Variants in TENM4 observed in about 807,000 individuals in gnomAD.
TENM4 encodes the protein teneurin transmembrane protein 4.
In TENM4, 82 loss-of-function variants were observed where a neutral mutation model predicts 243.3. The ratio of observed to expected loss-of-function variants is 0.34; its 90% CI spans 0.28 to 0.40. TENM4 has a LOEUF of 0.40. TENM4 is among the 10% of genes least tolerant of loss of function. The pLI is 1.00. For synonymous variants in TENM4, 1,412 were observed against 1,456.3 expected, an observed-to-expected ratio of 0.97 and a Z score of 0.69; for missense variants, 3,138 against 3,673.3, an observed-to-expected ratio of 0.85 and a Z score of 3.77.
intron 9 of TENM4, among the ~76,000 whole-genome samples, chr11:78,879,391 C>T (rs1163789792): frequency 6.6e-6 from 1 of 151,302 alleles, no homozygotes; most frequent in Non-Finnish European, 1.5e-5. Flanking sequence ...TGGCAGCCGC[C>T]CTGTCTGGGA....
chr11:79,146,228 C>T (rs1862392983), intron 4 of TENM4, among the ~76,000 whole-genome samples: 1 of 152,122 alleles, frequency 6.6e-6, no homozygotes, highest in Non-Finnish European at 1.5e-5. Context: ...CAGAATAGCC[C>T]AGAAAGGGGC....
rs557630451 is a variant in TENM4, at chr11:78,784,609, C to T, written c.2365+2289G>A. Among the ~76,000 whole-genome samples the T allele has an allele frequency of 7.6e-4, 115 of 152,294 alleles. 1 individual carries two copies. The highest frequency in any genetic ancestry group is 2.7e-3 in the African/African-American group (113 of 41,556). The stretch of plus-strand genomic sequence containing the variant: ...CTATTGCTTCTTCAATGTCCTATGA[C>T]ATTTCTTTGGTATTTAGGACCGTCA... On this transcript the variant is annotated intron_variant, in intron 16 of 33. Coordinates refer to ENST00000278550, the MANE Select transcript of TENM4 (RefSeq NM_001098816.3).
intron 16 of TENM4, among the ~76,000 whole-genome samples, chr11:78,781,054 T>C (rs1308642216): frequency 6.6e-6 from 1 of 152,228 alleles, no homozygotes; most frequent in African/African-American, 2.4e-5. Context: ...CTTCCTTGTC[T>C]CTGGCTATTG....
At chr11:78,744,769 G>A (rs1856008966) in intron 19 of TENM4, among the ~76,000 whole-genome samples, 1 of 152,204 alleles carries the variant, frequency 6.6e-6, no homozygotes, top group Non-Finnish European at 1.5e-5. Context: ...CTTGGGAAGG[G>A]TAACATACAT....
chr11:79,435,465 T>C (rs1859251363), intron 1 of TENM4, among the ~76,000 whole-genome samples: 1 of 152,180 alleles, frequency 6.6e-6, no homozygotes, highest in Non-Finnish European at 1.5e-5. Flanking sequence ...TGATAGACCA[T>C]GTAAGAAGGC....
intron 4 of TENM4, among the ~76,000 whole-genome samples, chr11:79,078,353 CTG>C (rs373680600): frequency 1.3e-5 from 2 of 151,372 alleles, no homozygotes; most frequent in Non-Finnish European, 3.0e-5. Context: ...TGGGTAGCAT[CTG>C]TGTGTGTGTG....
chr11:79,222,430 G>A (rs1191363343), intron 2 of TENM4, among the ~76,000 whole-genome samples: 2 of 152,020 alleles, frequency 1.3e-5, no homozygotes, highest in Non-Finnish European at 2.9e-5. Flanking sequence ...GGTTGGTTCC[G>A]TGTCTTTGCT....
At chr11:79,386,913 C>T (rs1858126621) in intron 1 of TENM4, among the ~76,000 whole-genome samples, 1 of 152,074 alleles carries the variant, frequency 6.6e-6, no homozygotes, top group Non-Finnish European at 1.5e-5. Context: ...AGAAACTCCA[C>T]CCCAAGACCA....
chr11:79,287,659 T>C lies in TENM4; in HGVS notation c.-265+9829A>G, dbSNP rs564517310. The stretch of plus-strand genomic sequence containing the variant: ...GCCATTTTCAACACTGACACTGAGG[T>C]AACACTGAGGACCAGAAAGGTCAAG... On this transcript the variant is annotated intron_variant, in intron 2 of 33. Transcript: ENST00000278550. 3.9e-5 allele frequency among the ~76,000 whole-genome samples: 6 copies of C among 152,110 alleles called. No homozygotes were observed. The South Asian group carries it at 1.2e-3, about 32-fold the overall frequency.
At position 79,023,371 on chromosome 11, in the gene TENM4, C is replaced by T. The variant is rs181263302; in HGVS notation, c.493+41367G>A. On this transcript the variant is annotated intron_variant, in intron 6 of 33. Coordinates refer to ENST00000278550, the MANE Select transcript of TENM4 (RefSeq NM_001098816.3). ...GGTCAGGAGTTCAAGACCAGCCTGG[C>T]CATCATGGCAAAACCCCGTCTCTAC... 9.2e-5 allele frequency among the ~76,000 whole-genome samples: 14 copies of T among 152,090 alleles called. No homozygotes were observed. In the East Asian group the frequency reaches 2.7e-3, roughly 29 times the overall value.
At chr11:78,757,681 T>C (rs1424495806) in intron 18 of TENM4, among the ~76,000 whole-genome samples, 1 of 152,244 alleles carries the variant, frequency 6.6e-6, no homozygotes, top group Non-Finnish European at 1.5e-5. Flanking sequence ...GGTAAAACTG[T>C]AAGCCCTGGT....
intron 2 of TENM4, among the ~76,000 whole-genome samples, chr11:79,292,869 T>A (rs542972707): frequency 2.0e-5 from 3 of 152,354 alleles, no homozygotes; most frequent in African/African-American, 7.2e-5. Flanking sequence ...TATAAGGCAC[T>A]TAGCACTATG....
intron 25 of TENM4, among the ~76,000 whole-genome samples, chr11:78,714,355 G>T (rs1859472754): frequency 6.6e-6 from 1 of 152,002 alleles, no homozygotes; most frequent in African/African-American, 2.4e-5. Context: ...CTCTTGCCTT[G>T]GACAGTGTCC....
At chr11:78,685,043 TC>T (rs1858632664) in intron 29 of TENM4, among the ~76,000 whole-genome samples, 1 of 152,094 alleles carries the variant, frequency 6.6e-6, no homozygotes, top group Admixed American at 6.5e-5. Flanking sequence ...CCCTCCTCTC[TC>T]CATCTTTCTC....
chr11:79,183,590 CAA>C (rs1863326164), intron 3 of TENM4, among the ~76,000 whole-genome samples: 1 of 152,086 alleles, frequency 6.6e-6, no homozygotes, highest in South Asian at 2.1e-4. Context: ...TCAGTGGTAA[CAA>C]ATGTACCACT....
At chr11:79,089,309 C>T (rs1047643534) in intron 4 of TENM4, among the ~76,000 whole-genome samples, 8 of 152,238 alleles carry the variant, frequency 5.3e-5, no homozygotes, top group Non-Finnish European at 8.8e-5. Flanking sequence ...TCGACCTTCC[C>T]AAGTTGTGCC....
At chr11:79,432,683 G>A (rs1170750029) in intron 1 of TENM4, among the ~76,000 whole-genome samples, 1 of 152,164 alleles carries the variant, frequency 6.6e-6, no homozygotes, top group Non-Finnish European at 1.5e-5. Flanking sequence ...CACTTTAATT[G>A]CTTGCATGAT....
chr11:79,174,026 G>A (rs1222295937), intron 3 of TENM4, among the ~76,000 whole-genome samples: 1 of 152,172 alleles, frequency 6.6e-6, no homozygotes, highest in Non-Finnish European at 1.5e-5. Context: ...TATTCCAGGA[G>A]TTTAGAGATT....
intron 1 of TENM4, among the ~76,000 whole-genome samples, chr11:79,435,237 A>C (rs917604303): frequency 1.3e-5 from 2 of 151,730 alleles, no homozygotes; most frequent in African/African-American, 4.8e-5. Context: ...ACTGTAAAAG[A>C]AAAAAAAAGT....
Sources: allele counts gnomAD v4.1 joint callset (sites outside exome capture counted in the v4.1 genomes callset), GRCh38; gene constraint gnomAD v4.1.1; transcripts MANE v1.5; gene names NCBI Gene and HGNC (gene_info 2026-07-23, HGNC 2026-07-21).